The following CRISPLD1 variants were observed in gnomAD, a reference collection of about 807,000 sequenced individuals.
CRISPLD1 encodes the protein cysteine rich secretory protein LCCL domain containing 1.
A neutral mutation model predicts 77.5 loss-of-function variants in CRISPLD1; 60 were observed. The ratio of observed to expected loss-of-function variants is 0.77; its 90% confidence interval spans 0.63 to 0.96. The LOEUF (loss-of-function observed/expected upper bound fraction) is 0.96. CRISPLD1 is among the 40% of genes least tolerant of loss of function. The pLI, the probability that CRISPLD1 is intolerant of heterozygous loss-of-function variation, is 0.00. For missense variants in CRISPLD1, 623 were observed against 615.8 expected (o/e 1.01, Z -0.12); for synonymous variants, 195 against 200.1 (o/e 0.97, Z 0.22).
At chr8:75,018,380 C>T (rs1437868583) in intron 10 of CRISPLD1, among the ~76,000 whole-genome samples, 1 of 152,072 alleles carries the variant, frequency 6.6e-6, no homozygotes, top group Non-Finnish European at 1.5e-5. Context: ...CAACCTCCAC[C>T]TTCTGGGCTC....
chr8:74,984,765 C>T lies in CRISPLD1; in HGVS notation c.-218C>T, dbSNP rs1812470305. Reference sequence around the variant, plus strand: ...CGCAGAGGCGGAGGCTCGCGTATTCCTGCAGTCAGCACCCACGTCGCCCCC... The same window carrying T: ...CGCAGAGGCGGAGGCTCGCGTATTCTTGCAGTCAGCACCCACGTCGCCCCC... On this transcript the variant is annotated 5_prime_UTR_variant, in exon 1 of 15. Transcript: ENST00000262207. 6.6e-6 allele frequency: 1 copy of T among 152,346 alleles called. No individual in the cohort carries two copies. The highest frequency in any genetic ancestry group is 6.5e-5 in the Admixed American group (1 of 15,280). 9.4% of individuals were successfully genotyped at this position (152,346 alleles called of 1,614,324 possible).
intron 6 of CRISPLD1, among the ~76,000 whole-genome samples, chr8:75,015,924 T>C (rs935564380): frequency 6.6e-6 from 1 of 152,180 alleles, no homozygotes; most frequent in Non-Finnish European, 1.5e-5. Context: ...TTCTGAGTTC[T>C]TGGGCATGCA....
chr8:75,003,773 G>A (rs1812784530), intron 2 of CRISPLD1, among the ~76,000 whole-genome samples: 1 of 152,094 alleles, frequency 6.6e-6, no homozygotes, highest in African/African-American at 2.4e-5. Context: ...CAAACTTGGG[G>A]CAGGGGACCT....
At chr8:75,031,894 G>C (rs1813354894) in intron 14 of CRISPLD1, among the ~76,000 whole-genome samples, 1 of 151,846 alleles carries the variant, frequency 6.6e-6, no homozygotes, top group African/African-American at 2.4e-5. Context: ...ATGAAAGGAG[G>C]TAATATAGGA....
chr8:75,019,118 T>G (rs1185780316), intron 10 of CRISPLD1, among the ~76,000 whole-genome samples: 1 of 152,194 alleles, frequency 6.6e-6, no homozygotes, highest in Non-Finnish European at 1.5e-5. Flanking sequence ...TTGTATATTT[T>G]ATGCCTCAAA....
chr8:74,990,529 G>C (rs1279452754), intron 2 of CRISPLD1, among the ~76,000 whole-genome samples: 1 of 151,974 alleles, frequency 6.6e-6, no homozygotes, highest in African/African-American at 2.4e-5. Flanking sequence ...AATATCCTAT[G>C]TTTGTGGCTC....
At position 75,013,018 on chromosome 8, in the gene CRISPLD1, C is replaced by T; in HGVS notation, c.506C>T (p.Thr169Ile). 1 of 1,591,986 alleles carries T rather than the reference C, an allele frequency of 6.3e-7. No individual in the cohort carries two copies. The highest frequency in any genetic ancestry group is 1.3e-5 in the African/African-American group (1 of 74,626). The change falls in exon 4 of 15, where the codon ACA (threonine) becomes ATA (isoleucine). Residue 169 changes from threonine (T) to isoleucine (I), a missense_variant. By Grantham distance (89) the Thr-to-Ile change is moderately conservative. Transcript: ENST00000262207. ...RCSGPVCTHY[T>I]QVVWATSNRI... ...TCTGGCCCTGTATGTACACATTATA[C>T]ACAGGTATGTTTGGGGGGTATTATA...
At chr8:75,019,825 A>C (rs1217251452) in intron 10 of CRISPLD1, 45 bp from the exon 11 acceptor site, 7 of 1,459,788 alleles carry the variant, frequency 4.8e-6, no homozygotes, top group Admixed American at 3.4e-5. Flanking sequence ...GCTGCTGCTG[A>C]TGCCTATATG....
intron 4 of CRISPLD1, 136 bp downstream of exon 4, chr8:75,013,158 A>G (rs1812964575): frequency 1.6e-6 from 1 of 629,366 alleles, no homozygotes; most frequent in Non-Finnish European, 2.4e-6. Flanking sequence ...ATTATGTTGA[A>G]TTGGCTTACA....
At chr8:75,024,935 C>T (rs187096004) in intron 12 of CRISPLD1, among the ~76,000 whole-genome samples, 12 of 152,054 alleles carry the variant, frequency 7.9e-5, no homozygotes, top group South Asian at 2.1e-4. Flanking sequence ...GGGAAGCCTA[C>T]GGAAAGAAAC....
chr8:75,017,609 A>G (rs1348232399), intron 10 of CRISPLD1, among the ~76,000 whole-genome samples, 159 bp downstream of exon 10: 2 of 152,216 alleles, frequency 1.3e-5, no homozygotes, highest in African/African-American at 2.4e-5. Flanking sequence ...CAAAAAGAAG[A>G]TAACGCATTT....
chr8:75,000,420 C>T (rs1223851260), intron 2 of CRISPLD1: 4 of 985,082 alleles, frequency 4.1e-6, no homozygotes, highest in Non-Finnish European at 2.4e-6. Flanking sequence ...GTGAGTACAA[C>T]CTGAACAAAT....
At chr8:75,006,152 A>G (rs1204405605) in intron 2 of CRISPLD1, among the ~76,000 whole-genome samples, 1 of 152,026 alleles carries the variant, frequency 6.6e-6, no homozygotes, top group Non-Finnish European at 1.5e-5. Context: ...TTTAACCCCC[A>G]CTTATAAGTG....
intron 2 of CRISPLD1, among the ~76,000 whole-genome samples, chr8:74,992,086 G>A (rs911985353): frequency 6.6e-6 from 1 of 152,148 alleles, no homozygotes; most frequent in Non-Finnish European, 1.5e-5. Context: ...TTCATTGATT[G>A]AATATTGTTG....
intron 6 of CRISPLD1, among the ~76,000 whole-genome samples, chr8:75,015,652 T>A (rs1200062762): frequency 1.3e-5 from 2 of 152,126 alleles, no homozygotes; most frequent in Non-Finnish European, 2.9e-5. Flanking sequence ...TTGCAGCCCT[T>A]TTTTAGTGCT....
chr8:75,022,403 G>T (rs908408348), intron 12 of CRISPLD1, among the ~76,000 whole-genome samples: 1 of 151,842 alleles, frequency 6.6e-6, no homozygotes, highest in Admixed American at 6.6e-5. Flanking sequence ...TGGCTAACAC[G>T]ATGATACCCC....
chr8:74,989,809 C>A (rs1289662893), intron 2 of CRISPLD1, among the ~76,000 whole-genome samples: 1 of 152,130 alleles, frequency 6.6e-6, no homozygotes, highest in Non-Finnish European at 1.5e-5. Context: ...GTCATAAATT[C>A]TTTGCCTGGG....
intron 10 of CRISPLD1, among the ~76,000 whole-genome samples, chr8:75,018,305 T>C (rs534067127): frequency 1.4e-5 from 2 of 138,152 alleles, no homozygotes; most frequent in South Asian, 4.8e-4. Context: ...TTTTGTTTTT[T>C]GTCACCCAGA....
Position 75,023,370 on chromosome 8 carries a change from T to A in CRISPLD1, c.1245-2176T>A, listed in dbSNP as rs530528553. Among the ~76,000 whole-genome samples, 6 of 152,296 alleles carry A rather than the reference T, an allele frequency of 3.9e-5. No individual in the cohort carries two copies. The East Asian group carries it at 1.2e-3, about 29-fold the overall frequency. On this transcript the variant is annotated intron_variant, in intron 12 of 14. Coordinates refer to ENST00000262207, the MANE Select transcript of CRISPLD1 (RefSeq NM_031461.6). ...CAGTTCTCAAATACAGTAAGATCAG[T>A]TTCCAGTCAAAGGGGACACCCTTCT... is the stretch of plus-strand genomic sequence containing the variant.
Sources: allele counts gnomAD v4.1 joint callset (sites outside exome capture counted in the v4.1 genomes callset), GRCh38; gene constraint gnomAD v4.1.1; transcripts MANE v1.5; gene names NCBI Gene and HGNC (gene_info 2026-07-23, HGNC 2026-07-21).